The following WNT16 variants were observed in gnomAD, a reference collection of about 807,000 sequenced individuals.
WNT16 encodes the protein Wnt family member 16.
Under a neutral mutation model 35.4 loss-of-function variants are expected in WNT16, and 20 were observed. The observed-to-expected ratio is 0.56, with a 90% CI of 0.40 to 0.82. The LOEUF is 0.82. Among genes scored for constraint, WNT16 ranks in the 40% least tolerant of loss-of-function variants. The pLI, the probability that WNT16 is intolerant of heterozygous loss-of-function variation, is 0.00. For missense variants in WNT16, 461 were observed against 466.0 expected, an observed-to-expected ratio of 0.99 and a Z score of 0.10; for synonymous variants, 180 against 179.2, an observed-to-expected ratio of 1.00 and a Z score of -0.03.
At chr7:121,326,977 C>T (rs1793255840), upstream of WNT16, among the ~76,000 whole-genome samples, 2 of 152,178 alleles carry the variant, frequency 1.3e-5, no homozygotes, top group African/African-American at 4.8e-5. Flanking sequence ...GGATGTTCCT[C>T]ATTGTTAATT....
rs1437089967 is a variant in WNT16, at chr7:121,329,633, C to T, written c.162C>T (p.Ser54=). The part of the protein sequence containing the change: ...KLGCANLPLN[S]RQKELCKRKP... ...GCTGCGCCAATTTGCCGCTGAACAG[C>T]CGCCAGAAGGAGCTGTGCAAGAGGA... is the stretch of plus-strand genomic sequence containing the variant. The change falls in exon 2 of 4, where the codon AGC becomes AGT. Residue 54 remains serine (S), a synonymous_variant. Coordinates refer to ENST00000222462, the MANE Select transcript of WNT16 (RefSeq NM_057168.2). The T allele has an allele frequency of 6.2e-7, 1 of 1,614,222 alleles. No homozygotes were observed. The highest frequency in any genetic ancestry group is 8.5e-7 in the Non-Finnish European group (1 of 1,180,044).
upstream of WNT16, among the ~76,000 whole-genome samples, chr7:121,328,630 A>C (rs1052317514): frequency 6.6e-6 from 1 of 152,110 alleles, no homozygotes. Flanking sequence ...GGTCAGTGAC[A>C]TTTTCCAGCC....
Position 121,329,403 on chromosome 7 carries a change from G to A in WNT16, c.95+16G>A. ...GAAACTGGATGTGAGTATGGAGGTG[G>A]CAGGGAAGCATCGGGTAGGTGGCAA... On this transcript the variant is annotated intron_variant, in intron 1 of 3. Transcript: ENST00000222462. 1.2e-6 allele frequency: 2 copies of A among 1,608,054 alleles called. No individual in the cohort carries two copies. The highest frequency in any genetic ancestry group is 1.3e-5 in the African/African-American group (1 of 74,950).
chr7:121,328,913 G>A (rs1584674874), upstream of WNT16: 1 of 523,026 alleles, frequency 1.9e-6, no homozygotes, highest in Non-Finnish European at 2.5e-6. Flanking sequence ...GAGATGCGGG[G>A]CCGCTGCTCA....
At position 121,340,101 on chromosome 7, in the gene WNT16, T is replaced by C. The variant is rs1044812091; in HGVS notation, c.*756T>C. 6.6e-6 allele frequency: 1 copy of C among 152,210 alleles called. No individual in the cohort carries two copies. Among genetic ancestry groups the C allele is most frequent in the African/African-American group, 2.4e-5 (1 of 41,456 alleles). 9.4% of individuals were successfully genotyped at this position (152,210 alleles called of 1,614,324 possible). On this transcript the variant is annotated 3_prime_UTR_variant, in exon 4 of 4. Transcript: ENST00000222462. Reference sequence around the variant, plus strand: ...TAGCAATCTTTGATCTTTAGATTCATACTTTTATCACAGATCAGTTTCAAC... The same window carrying C: ...TAGCAATCTTTGATCTTTAGATTCACACTTTTATCACAGATCAGTTTCAAC...
intron 2 of WNT16, among the ~76,000 whole-genome samples, chr7:121,331,397 T>C (rs1184324914): frequency 6.6e-6 from 1 of 152,174 alleles, no homozygotes; most frequent in Non-Finnish European, 1.5e-5. Context: ...CAAACATACA[T>C]TTCAAATTTA....
rs1178962477 is a variant in WNT16 at position 121,340,956 on chromosome 7, TAAAG to T, written c.*1615_*1618del. On this transcript the variant is annotated 3_prime_UTR_variant, in exon 4 of 4. Coordinates refer to ENST00000222462, the MANE Select transcript of WNT16 (RefSeq NM_057168.2). ...AATATTCATTTTCTTATTAATAAGA[TAAAG>T]AAATGTTTCCCTGCCCCACAGTCTT... 1 of 152,126 alleles carries T rather than the reference TAAAG, an allele frequency of 6.6e-6. No individual in the cohort carries two copies. Among genetic ancestry groups the T allele is most frequent in the Non-Finnish European group, 1.5e-5 (1 of 67,978 alleles). The allele number at this position is 152,126 out of a possible 1,614,324, so 9.4% of individuals were successfully genotyped here.
intron 3 of WNT16, 34 bp from the exon 4 acceptor site, chr7:121,338,846 GA>G (rs766237930): frequency 5.1e-6 from 8 of 1,570,362 alleles, no homozygotes; most frequent in Non-Finnish European, 8.7e-7. Flanking sequence ...AACACTTTAT[GA>G]TTGATAGTTG....
rs1160365449 is a variant in WNT16, at chr7:121,329,157, C to G, written c.-136C>G. ...TGCTGAGAGTCCCTATCACTGCTGG[C>G]CTTTTAATGTTGTATGCAAGGAGGA... On this transcript the variant is annotated 5_prime_UTR_variant, in exon 1 of 4. Transcript: ENST00000222462. 1 of 1,419,518 alleles carries G rather than the reference C, an allele frequency of 7.0e-7. No homozygotes were observed. The highest frequency in any genetic ancestry group is 1.4e-5 in the African/African-American group (1 of 69,496). 87.9% of individuals were successfully genotyped at this position (1,419,518 alleles called of 1,614,324 possible). A position where few individuals can be genotyped will look rare whatever the true frequency, so the allele number is the denominator to read the frequency against.
Position 121,329,307 on chromosome 7 carries a change from G to C in WNT16, c.15G>C (p.Ala5=), listed in dbSNP as rs901680000. MDRA[A]LLGLARLCAL... Reference sequence around the variant, plus strand: ...ATGCGGGGGCGATGGACAGGGCGGCGCTCCTGGGACTGGCCCGCTTGTGCG... The same window carrying C: ...ATGCGGGGGCGATGGACAGGGCGGCCCTCCTGGGACTGGCCCGCTTGTGCG... Residue 5 remains alanine, a synonymous_variant, in exon 1 of 4, where the codon GCG becomes GCC. Coordinates refer to ENST00000222462, the MANE Select transcript of WNT16 (RefSeq NM_057168.2). 1 of 1,580,504 alleles carries C rather than the reference G, an allele frequency of 6.3e-7. No homozygotes were observed. The highest frequency in any genetic ancestry group is 8.6e-7 in the Non-Finnish European group (1 of 1,163,698).
chr7:121,336,577 A>G (rs1269515155), intron 3 of WNT16, among the ~76,000 whole-genome samples: 2 of 152,172 alleles, frequency 1.3e-5, no homozygotes, highest in East Asian at 1.9e-4. Context: ...GACGGGGCTA[A>G]AACTGAGGAG....
rs1043490812 is a variant in WNT16, at chr7:121,329,593, T to A, written c.122T>A (p.Val41Asp). 1.2e-6 allele frequency: 2 copies of A among 1,613,918 alleles called. No individual in the cohort carries two copies. Among genetic ancestry groups the A allele is most frequent in the African/African-American group, 2.7e-5 (2 of 74,884 alleles). Residue 41 changes from valine (V) to aspartate (D), a missense_variant, in exon 2 of 4, where the codon GTT becomes GAT. By Grantham distance (152) the Val-to-Asp change is radical. Coordinates refer to ENST00000222462, the MANE Select transcript of WNT16 (RefSeq NM_057168.2). ...WMWLGIASFG[V>D]PEKLGCANLP... ...TGGTTGGGCATTGCCTCCTTCGGGG[T>A]TCCAGAGAAGCTGGGCTGCGCCAAT...
At chr7:121,336,438 T>C (rs974955512) in intron 3 of WNT16, among the ~76,000 whole-genome samples, 1 of 152,152 alleles carries the variant, frequency 6.6e-6, no homozygotes, top group Non-Finnish European at 1.5e-5. Flanking sequence ...GCTAATTTTC[T>C]AGGAGGGAAA....
chr7:121,336,914 C>T (rs935933547), intron 3 of WNT16, among the ~76,000 whole-genome samples: 2 of 152,140 alleles, frequency 1.3e-5, no homozygotes, highest in Admixed American at 1.3e-4. Context: ...TCAGCTTAAA[C>T]ATGGAAACAT....
rs546276768 is a variant in WNT16 at position 121,338,063 on chromosome 7, G to C, written c.634-818G>C. ...GACCAACTAAACCAGATTTGTCATAGTTTCTCATGTGGCCTGGAACCAGGG... is the reference window on the plus strand; with the variant it reads ...GACCAACTAAACCAGATTTGTCATACTTTCTCATGTGGCCTGGAACCAGGG... On this transcript the variant is annotated intron_variant, in intron 3 of 3. Coordinates refer to ENST00000222462, the MANE Select transcript of WNT16 (RefSeq NM_057168.2). Among the ~76,000 whole-genome samples the C allele has an allele frequency of 2.0e-5, 3 of 152,316 alleles. No individual in the cohort carries two copies. In the South Asian group the frequency reaches 6.2e-4, roughly 32 times the overall value.
intron 3 of WNT16, among the ~76,000 whole-genome samples, chr7:121,338,377 T>C (rs558829845): frequency 2.6e-5 from 4 of 152,322 alleles, no homozygotes; most frequent in East Asian, 3.9e-4. Flanking sequence ...CAAATTTTAA[T>C]GACAATCTTG....
rs1257469299 is a variant in WNT16, at chr7:121,329,396, G to A, written c.95+9G>A. ...GCCCAAGGAAACTGGATGTGAGTAT[G>A]GAGGTGGCAGGGAAGCATCGGGTAG... On this transcript the variant is annotated intron_variant, in intron 1 of 3. Transcript: ENST00000222462. 1 of 1,609,714 alleles carries A rather than the reference G, an allele frequency of 6.2e-7. No homozygotes were observed. The highest frequency in any genetic ancestry group is 1.3e-5 in the African/African-American group (1 of 74,846).
chr7:121,339,953 C>G lies in WNT16; in HGVS notation c.*608C>G, dbSNP rs1793507703. ...AATCTTCTTAAGTGATATAATATCC[C>G]TAAAAAAATGATCATTACAGATGTT... On this transcript the variant is annotated 3_prime_UTR_variant, in exon 4 of 4. Transcript: ENST00000222462. 1 of 152,506 alleles carries G rather than the reference C, an allele frequency of 6.6e-6. No homozygotes were observed. The highest frequency in any genetic ancestry group is 6.6e-5 in the Admixed American group (1 of 15,260). The allele number at this position is 152,506 out of a possible 1,614,324, so 9.4% of individuals were successfully genotyped here. A position where few individuals can be genotyped will look rare whatever the true frequency, so the allele number is the denominator to read the frequency against.
At chr7:121,337,206 T>C (rs1489436597) in intron 3 of WNT16, among the ~76,000 whole-genome samples, 1 of 152,224 alleles carries the variant, frequency 6.6e-6, no homozygotes, top group Admixed American at 6.5e-5. Flanking sequence ...TCTATTAGTT[T>C]CTTAGTTTTG....
Sources: gnomAD v4.1 joint callset for allele counts (sites outside exome capture counted in the v4.1 genomes callset) on GRCh38, gnomAD v4.1.1 for gene constraint, MANE v1.5 for transcripts, NCBI Gene and HGNC (gene_info 2026-07-23, HGNC 2026-07-21) for gene names.